Variants in UNC13C observed in about 807,000 individuals in gnomAD.
UNC13C encodes unc-13 homolog C.
In UNC13C, 174 loss-of-function variants were observed where a neutral mutation model predicts 245.4. The observed-to-expected ratio is 0.71, with a 90% CI of 0.63 to 0.80. UNC13C has a LOEUF of 0.80. UNC13C is among the 30% of genes least tolerant of loss of function. UNC13C has a pLI of 0.00. For missense variants in UNC13C, 2,829 were observed against 2,602.9 expected (o/e 1.09, Z -1.89); for synonymous variants, 992 against 895.1 (o/e 1.11, Z -1.93).
chr15:54,457,732 G>C (rs1344702125), intron 19 of UNC13C, among the ~76,000 whole-genome samples: 1 of 151,632 alleles, frequency 6.6e-6, no homozygotes, highest in Non-Finnish European at 1.5e-5. Context: ...CTCCCATTTT[G>C]TTTCTAATTG....
the UNC13C span, among the ~76,000 whole-genome samples, chr15:53,880,692 T>C: frequency 6.9e-6 from 1 of 145,402 alleles, no homozygotes; most frequent in East Asian, 2.0e-4. Flanking sequence ...AGTTGCTTTG[T>C]CATCTTTTTT....
chr15:53,993,861 G>C (rs994354402), intron 1 of UNC13C, among the ~76,000 whole-genome samples: 2 of 152,000 alleles, frequency 1.3e-5, no homozygotes, highest in Non-Finnish European at 2.9e-5. Context: ...GCTATGTAAG[G>C]GGAATGGACA....
intron 2 of UNC13C, among the ~76,000 whole-genome samples, chr15:54,053,905 T>G (rs1364983476): frequency 6.6e-6 from 1 of 152,200 alleles, no homozygotes; most frequent in Non-Finnish European, 1.5e-5. Context: ...TGTTTTTCTG[T>G]GCCTGGCTTA....
chr15:54,485,664 A>G (rs1298593403), intron 19 of UNC13C, among the ~76,000 whole-genome samples: 1 of 152,234 alleles, frequency 6.6e-6, no homozygotes, highest in Non-Finnish European at 1.5e-5. Flanking sequence ...CATGGGTTAC[A>G]AGATCCTATG....
chr15:54,320,404 A>G (rs1009854111), intron 13 of UNC13C, among the ~76,000 whole-genome samples: 1 of 151,804 alleles, frequency 6.6e-6, no homozygotes, highest in Non-Finnish European at 1.5e-5. Flanking sequence ...TTTTAAAGAC[A>G]CATTTATTCC....
chr15:54,071,614 T>C (rs1898331535), intron 2 of UNC13C, among the ~76,000 whole-genome samples: 1 of 152,116 alleles, frequency 6.6e-6, no homozygotes, highest in Admixed American at 6.6e-5. Flanking sequence ...GCTACCTCTT[T>C]GTAGGAACAG....
intron 2 of UNC13C, among the ~76,000 whole-genome samples, chr15:54,076,351 A>G (rs2141108482): frequency 6.9e-6 from 1 of 145,334 alleles, no homozygotes; most frequent in Admixed American, 7.1e-5. Context: ...GAGTGAGAAT[A>G]TGCGGTGTTT....
chr15:54,021,022 G>A (rs181821156), intron 2 of UNC13C, among the ~76,000 whole-genome samples: 1 of 151,868 alleles, frequency 6.6e-6, no homozygotes, highest in Admixed American at 6.5e-5. Flanking sequence ...TGATTCTCTT[G>A]TTTTTTTAAT....
At chr15:54,447,403 G>A (rs925923409) in intron 19 of UNC13C, among the ~76,000 whole-genome samples, 2 of 152,096 alleles carry the variant, frequency 1.3e-5, no homozygotes, top group Admixed American at 1.3e-4. Flanking sequence ...GTCTGGTCCT[G>A]GAATTTTTTT....
chr15:54,297,913 C>T lies in UNC13C; in HGVS notation c.4091C>T (p.Thr1364Ile), dbSNP rs1452519317. The change falls in exon 12 of 33, where the codon ACA (threonine) becomes ATA (isoleucine). Residue 1364 changes from threonine (T) to isoleucine (I), a missense_variant. By Grantham distance (89) the Thr-to-Ile change is moderately conservative. Transcript: ENST00000260323. ...EKVAPYHIQY[T>I]CLHENLFHYL... is the part of the protein sequence containing the mutation. Reference sequence around the variant, plus strand: ...GTTGCTCCATATCATATTCAATATACATGTTTACATGAGGTAAATAAATGG... The same window carrying T: ...GTTGCTCCATATCATATTCAATATATATGTTTACATGAGGTAAATAAATGG... 1.9e-6 allele frequency: 3 copies of T among 1,567,426 alleles called. No homozygotes were observed. Among genetic ancestry groups the T allele is most frequent in the Non-Finnish European group, 2.6e-6 (3 of 1,148,718 alleles).
In UNC13C at chr15:54,552,567, T is replaced by A. The variant is rs866311730; in HGVS notation, c.5878-2865T>A. Among the ~76,000 whole-genome samples, 606 of 74,548 alleles carry A rather than the reference T, an allele frequency of 8.1e-3. 56 individuals are homozygous for A. Among genetic ancestry groups the A allele is most frequent in the African/African-American group, 0.034 (579 of 16,840 alleles). The allele number at this position is 74,548 out of a possible 152,430, so 48.9% of individuals were successfully genotyped here. ...TATTATATTGTATATAATTATATAT[T>A]ATATATAATTATATTATATTGTACA... On this transcript the variant is annotated intron_variant, in intron 28 of 32. Transcript: ENST00000260323.
chr15:54,400,092 C>G (rs1051347982), intron 18 of UNC13C, among the ~76,000 whole-genome samples: 2 of 151,964 alleles, frequency 1.3e-5, no homozygotes, highest in East Asian at 3.9e-4. Flanking sequence ...GCTGAGTTAT[C>G]TTAAACAAAC....
rs59628073 is a variant in UNC13C at position 54,516,799 on chromosome 15, C to CAAAAA, written c.5457+4978_5457+4982dup. Among the ~76,000 whole-genome samples the CAAAAA allele has an allele frequency of 7.4e-4, 92 of 123,620 alleles. 6 individuals carry two copies. Among genetic ancestry groups the CAAAAA allele is most frequent in the African/African-American group, 1.8e-3 (58 of 31,366 alleles). The allele number at this position is 123,620 out of a possible 152,430, so 81.1% of individuals were successfully genotyped here. On this transcript the variant is annotated intron_variant, in intron 24 of 32. Coordinates refer to ENST00000260323, the MANE Select transcript of UNC13C (RefSeq NM_001080534.3). ...TGGAAAACGGAGTGAGATGCTGTCT[C>CAAAAA]AAAAAAAAAAAAAGTATCAGATAAT... is the stretch of plus-strand genomic sequence containing the variant.
intron 17 of UNC13C, among the ~76,000 whole-genome samples, chr15:54,365,001 A>T (rs1386500417): frequency 6.6e-6 from 1 of 152,232 alleles, no homozygotes; most frequent in Non-Finnish European, 1.5e-5. Context: ...TTAGATTGCA[A>T]AGTAGCCCCT....
chr15:53,919,965 T>C, the UNC13C span, among the ~76,000 whole-genome samples: 1 of 149,852 alleles, frequency 6.7e-6, no homozygotes, highest in Non-Finnish European at 1.5e-5. Flanking sequence ...CCTATCCATG[T>C]TTTTTTTTTC....
At chr15:54,314,105 C>T (rs900314725) in intron 13 of UNC13C, among the ~76,000 whole-genome samples, 2 of 149,958 alleles carry the variant, frequency 1.3e-5, no homozygotes, top group South Asian at 2.1e-4. Context: ...CTGGAATTCA[C>T]GGAAATAAAG....
intron 30 of UNC13C, among the ~76,000 whole-genome samples, chr15:54,619,663 T>A (rs963360217): frequency 1.8e-4 from 28 of 152,190 alleles, no homozygotes; most frequent in Non-Finnish European, 5.9e-5. Flanking sequence ...CCATGGTAAC[T>A]GAAATTTGAA....
chr15:54,551,411 T>C (rs1054384172), intron 28 of UNC13C, among the ~76,000 whole-genome samples: 1 of 152,006 alleles, frequency 6.6e-6, no homozygotes, highest in Non-Finnish European at 1.5e-5. Context: ...CATGTGCCAA[T>C]TGGCTTAACT....
chr15:53,934,878 T>TC, the UNC13C span, among the ~76,000 whole-genome samples: 1 of 152,136 alleles, frequency 6.6e-6, no homozygotes, highest in Admixed American at 6.6e-5. Flanking sequence ...TCATGAGGAT[T>TC]CCACCCTTAC....
Sources: allele counts gnomAD v4.1 joint callset (sites outside exome capture counted in the v4.1 genomes callset), GRCh38; gene constraint gnomAD v4.1.1; transcripts MANE v1.5; gene names NCBI Gene and HGNC (gene_info 2026-07-23, HGNC 2026-07-21).